RBFOX1: variants seen among roughly 807,000 people sequenced by gnomAD.
The protein encoded by RBFOX1 is RNA binding protein fox-1 homolog 1.
RBFOX1 carries 8 observed loss-of-function variants against 57.7 expected under a neutral mutation model. The observed-to-expected ratio is 0.14, with a 90% confidence interval of 0.08 to 0.25. RBFOX1 has a LOEUF of 0.25. RBFOX1 is among the 10% of genes least tolerant of loss of function. The pLI, the probability that RBFOX1 is intolerant of heterozygous loss-of-function variation, is 1.00. For missense variants in RBFOX1, 611 were observed against 548.5 expected (o/e 1.11, Z -1.14); for synonymous variants, 326 against 222.4 (o/e 1.47, Z -4.15).
At chr16:6,039,141 T>C (rs17139225) in intron 1 of RBFOX1, among the ~76,000 whole-genome samples, 19,389 of 151,116 alleles carry the variant, frequency 0.13, 1,574 homozygotes, top group African/African-American at 0.22. Context: ...TTGAAATCAG[T>C]GGAAAACCAG....
intron 5 of RBFOX1, among the ~76,000 whole-genome samples, chr16:7,576,242 C>T (rs1015978203): frequency 1.3e-5 from 2 of 151,986 alleles, no homozygotes; most frequent in East Asian, 1.9e-4. Context: ...CCATTAATGT[C>T]CTTTGATGGA....
chr16:5,474,590 G>T (rs534513375), intron 2 of RBFOX1, among the ~76,000 whole-genome samples: 84 of 152,122 alleles, frequency 5.5e-4, no homozygotes, highest in Middle Eastern at 6.8e-3. Context: ...GGAGGCAGAG[G>T]TTGCAGTGAG....
At chr16:7,312,855 G>T (rs2096348129) in intron 4 of RBFOX1, among the ~76,000 whole-genome samples, 1 of 151,994 alleles carries the variant, frequency 6.6e-6, no homozygotes, top group Non-Finnish European at 1.5e-5. Context: ...AATATGGCGG[G>T]GCCCTGCTAA....
chr16:6,111,692 T>C (rs963658890), intron 1 of RBFOX1, among the ~76,000 whole-genome samples: 39 of 152,146 alleles, frequency 2.6e-4, no homozygotes, highest in Admixed American at 1.3e-4. Context: ...TCAAGGAGTT[T>C]AATTCTGGGG....
At chr16:5,437,889 C>T (rs191805079) in intron 1 of RBFOX1, among the ~76,000 whole-genome samples, 74 of 152,000 alleles carry the variant, frequency 4.9e-4, no homozygotes, top group Non-Finnish European at 7.9e-4. Flanking sequence ...TAAGACATAT[C>T]GTTGTTGATT....
intron 9 of RBFOX1, among the ~76,000 whole-genome samples, chr16:7,604,385 C>G (rs1383140291): frequency 6.6e-6 from 1 of 152,208 alleles, no homozygotes; most frequent in African/African-American, 2.4e-5. Context: ...TTTTGCAGCA[C>G]ACAGATTCCC....
At chr16:5,633,625 G>A (rs747613404) in intron 3 of RBFOX1, among the ~76,000 whole-genome samples, 34 of 152,124 alleles carry the variant, frequency 2.2e-4, no homozygotes, top group African/African-American at 2.4e-5. Flanking sequence ...TGTAATCCCA[G>A]CACTTTGGGA....
At chr16:7,466,174 A>T (rs2060482661) in intron 4 of RBFOX1, among the ~76,000 whole-genome samples, 1 of 152,242 alleles carries the variant, frequency 6.6e-6, no homozygotes, top group South Asian at 2.1e-4. Flanking sequence ...ACTGCCAAAA[A>T]GCTAGCACAG....
intron 4 of RBFOX1, among the ~76,000 whole-genome samples, chr16:5,942,320 G>A (rs1468261080): frequency 1.3e-5 from 2 of 152,162 alleles, no homozygotes; most frequent in African/African-American, 4.8e-5. Context: ...TGTAATCATA[G>A]GTGTGTGGAC....
intron 4 of RBFOX1, among the ~76,000 whole-genome samples, chr16:7,504,754 TTTA>T (rs1471799518): frequency 3.5e-4 from 2 of 5,640 alleles, no homozygotes; most frequent in Admixed American, 2.2e-3. Context: ...TATATATATA[TTTA>T]TATATATATA....
chr16:7,306,281 G>A (rs554479636), intron 4 of RBFOX1, among the ~76,000 whole-genome samples: 2 of 152,080 alleles, frequency 1.3e-5, no homozygotes, highest in Non-Finnish European at 2.9e-5. Flanking sequence ...GGTTATTCTT[G>A]CCATGAGAAG....
At chr16:5,570,733 G>C (rs1031931165) in intron 2 of RBFOX1, among the ~76,000 whole-genome samples, 7 of 151,890 alleles carry the variant, frequency 4.6e-5, no homozygotes, top group Non-Finnish European at 7.4e-5. Flanking sequence ...CCAGTTACTC[G>C]GGAGGCTGAG....
At chr16:5,901,117 T>G (rs2152181074) in intron 4 of RBFOX1, among the ~76,000 whole-genome samples, 1 of 152,266 alleles carries the variant, frequency 6.6e-6, no homozygotes, top group East Asian at 1.9e-4. Context: ...GAGACGCGTG[T>G]TGATTAAGTC....
In RBFOX1 at chr16:5,319,125, TCAAACAAA is replaced by T. The variant is rs112510210; in HGVS notation, c.219+79041_219+79048del. 9.3e-3 allele frequency among the ~76,000 whole-genome samples: 1,414 copies of T among 151,280 alleles called. 22 individuals are homozygous for T. Among genetic ancestry groups the T allele is most frequent in the African/African-American group, 0.033 (1,335 of 40,828 alleles). ...CTGGGCAACAGAGTAAGACTCTGTC[TCAAACAAA>T]CAAACAAACAAACAAACAAAAAAAC... On this transcript the variant is annotated intron_variant, in intron 1 of 2. Coordinates refer to the RBFOX1 transcript ENST00000585867.
intron 4 of RBFOX1, among the ~76,000 whole-genome samples, chr16:7,467,236 A>T (rs1035365546): frequency 6.6e-6 from 1 of 152,170 alleles, no homozygotes. Flanking sequence ...GAACTTTCCA[A>T]TGAGTCTCCT....
chr16:7,676,019 A>G (rs770257325), intron 13 of RBFOX1, among the ~76,000 whole-genome samples: 3 of 152,176 alleles, frequency 2.0e-5, no homozygotes, highest in Non-Finnish European at 4.4e-5. Flanking sequence ...TAATTGAACA[A>G]TTGCAATTAC....
intron 3 of RBFOX1, among the ~76,000 whole-genome samples, chr16:6,783,607 A>G (rs1168875718): frequency 6.6e-6 from 1 of 152,030 alleles, no homozygotes; most frequent in Non-Finnish European, 1.5e-5. Flanking sequence ...TCTTTCAACA[A>G]ATTGTTGTAG....
chr16:6,810,556 C>T (rs774094003), intron 3 of RBFOX1, among the ~76,000 whole-genome samples: 1 of 151,948 alleles, frequency 6.6e-6, no homozygotes, highest in Non-Finnish European at 1.5e-5. Context: ...TTAAGTTAGC[C>T]AGTTATAGGT....
At chr16:5,905,387 C>T (rs1380301493) in intron 4 of RBFOX1, among the ~76,000 whole-genome samples, 4 of 151,916 alleles carry the variant, frequency 2.6e-5, no homozygotes, top group Admixed American at 6.6e-5. Flanking sequence ...ATGATTAGGA[C>T]ACAGACACAT....
Sources: allele counts gnomAD v4.1 joint callset (sites outside exome capture counted in the v4.1 genomes callset), GRCh38; gene constraint gnomAD v4.1.1; transcripts MANE v1.5; gene names NCBI Gene and HGNC (gene_info 2026-07-23, HGNC 2026-07-21).